The following MPDZ variants were observed in gnomAD, a reference collection of about 807,000 sequenced individuals.
MPDZ encodes the protein multiple PDZ domain protein.
MPDZ carries 234 observed loss-of-function variants against 239.1 expected under a neutral mutation model. The ratio of observed to expected loss-of-function variants is 0.98; its 90% CI spans 0.88 to 1.09. MPDZ has a LOEUF of 1.09. Among genes scored for constraint, MPDZ ranks in the 50% least tolerant of loss-of-function variants. MPDZ has a pLI of 0.00. For missense variants in MPDZ, 3,175 were observed against 2,510.0 expected, an observed-to-expected ratio of 1.26 and a Z score of -5.66; for synonymous variants, 1,048 against 881.3, an observed-to-expected ratio of 1.19 and a Z score of -3.35.
At position 13,222,118 on chromosome 9, in the gene MPDZ, T is replaced by C. The variant is rs144825995; in HGVS notation, c.747+115A>G. 501 of 701,040 alleles carry C rather than the reference T, an allele frequency of 7.1e-4. 5 individuals carry two copies. The East Asian group carries it at 0.011, about 16-fold the overall frequency. The allele number at this position is 701,040 out of a possible 1,614,324, so 43.4% of individuals were successfully genotyped here. On this transcript the variant is annotated intron_variant, in intron 6 of 46. Coordinates refer to ENST00000319217, the MANE Select transcript of MPDZ (RefSeq NM_001378778.1). ...TCCAGGCTGGGGAAAAATAAAAGAA[T>C]AGTCAGACAAAAACTCAAGAAGTGC... is the stretch of plus-strand genomic sequence containing the variant.
In MPDZ at chr9:13,219,589, G is replaced by A. The variant is rs1230832676; in HGVS notation, c.1056C>T (p.Ser352=). The stretch of plus-strand genomic sequence containing the variant: ...ACTCTGGTGTTGAAGTTGGGGATGA[G>A]GAGAGGGTGATGCCCAAAGCAGTGG... ...TAPTALGITL[S]SSPTSTPELR... The change falls in exon 8 of 47, where the codon TCC becomes TCT. Residue 352 remains serine (S), a synonymous_variant. Coordinates refer to ENST00000319217, the MANE Select transcript of MPDZ (RefSeq NM_001378778.1). 2.5e-6 allele frequency: 4 copies of A among 1,612,056 alleles called. No homozygotes were observed. In the Admixed American group the frequency reaches 6.7e-5, roughly 27 times the overall value.
At chr9:13,226,444 C>A (rs1439397250) in intron 3 of MPDZ, among the ~76,000 whole-genome samples, 2 of 152,088 alleles carry the variant, frequency 1.3e-5, no homozygotes, top group African/African-American at 4.8e-5. Flanking sequence ...CATCTCCTAG[C>A]AGTCTGTCCC....
At chr9:13,183,863 A>C (rs910893573) in intron 18 of MPDZ, among the ~76,000 whole-genome samples, 5 of 151,974 alleles carry the variant, frequency 3.3e-5, no homozygotes, top group Non-Finnish European at 7.4e-5. Context: ...TCTATGTTTA[A>C]ACAGTTCCAT....
intron 6 of MPDZ, 27 bp from the exon 7 acceptor site, chr9:13,221,527 T>A (rs755200868): frequency 6.3e-7 from 1 of 1,598,628 alleles, no homozygotes; most frequent in Non-Finnish European, 8.5e-7. Context: ...TATATGAATT[T>A]GTAGAAATTT....
Position 13,196,174 on chromosome 9 carries a change from C to G in MPDZ, c.1603G>C (p.Ala535Pro), listed in dbSNP as rs1314014564. The change falls in exon 13 of 47, where the codon GCT (alanine) becomes CCT (proline). Residue 535 changes from alanine (A) to proline (P), a missense_variant. By Grantham distance (27) the Ala-to-Pro change is conservative (BLOSUM62 -1). Transcript: ENST00000319217. Reference sequence around the variant, plus strand: ...CTTTGCCATTTTGTCAGCAGAGCAGCTTCTTGTTTTTGTGCATCTTCTATT... The same window carrying G: ...CTTTGCCATTTTGTCAGCAGAGCAGGTTCTTGTTTTTGTGCATCTTCTATT... ...EEIEDAQKQEAALLTKWQRIM... is the reference protein window; with the variant it reads ...EEIEDAQKQEPALLTKWQRIM... 2 of 1,604,026 alleles carry G rather than the reference C, an allele frequency of 1.2e-6. No homozygotes were observed. The highest frequency in any genetic ancestry group is 2.2e-5 in the South Asian group (2 of 89,288).
At position 13,137,981 on chromosome 9, in the gene MPDZ, C is replaced by A; in HGVS notation, c.4176G>T (p.Leu1392Phe). 6.2e-7 allele frequency: 1 copy of A among 1,613,770 alleles called. No individual in the cohort carries two copies. Among genetic ancestry groups the A allele is most frequent in the Middle Eastern group, 1.6e-4 (1 of 6,062 alleles). The change falls in exon 29 of 47, where the codon TTG (leucine) becomes TTT (phenylalanine). Residue 1392 changes from leucine (L) to phenylalanine (F), a missense_variant. By Grantham distance (22) the Leu-to-Phe change is conservative. Coordinates refer to ENST00000319217, the MANE Select transcript of MPDZ (RefSeq NM_001378778.1). Reference sequence around the variant, plus strand: ...CCTCTAGAAGCTCATCTGCAATTTGCAATCGACCATCTTTTCCTGCAGCTC... The same window carrying A: ...CCTCTAGAAGCTCATCTGCAATTTGAAATCGACCATCTTTTCCTGCAGCTC... ...PNGAAGKDGR[L>F]QIADELLEIN...
In MPDZ at chr9:13,125,323, G is replaced by T; in HGVS notation, c.4700C>A (p.Ser1567Tyr). The change falls in exon 35 of 47, where the codon TCC becomes TAC. Residue 1567 changes from serine to tyrosine, a missense_variant. Physicochemically the swap from Ser to Tyr is moderately radical, Grantham distance 144. Coordinates refer to ENST00000319217, the MANE Select transcript of MPDZ (RefSeq NM_001378778.1). ...ACCAGCTGCTGAAGGAACAGCCTGGGAATCTGGATTCTCAGCATGGATGGT... is the reference window on the plus strand; with the variant it reads ...ACCAGCTGCTGAAGGAACAGCCTGGTAATCTGGATTCTCAGCATGGATGGT... ...KLTIHAENPDSQAVPSAAGAA... is the reference protein window; with the variant it reads ...KLTIHAENPDYQAVPSAAGAA... 1 of 1,613,868 alleles carries T rather than the reference G, an allele frequency of 6.2e-7. No homozygotes were observed. Among genetic ancestry groups the T allele is most frequent in the Non-Finnish European group, 8.5e-7 (1 of 1,179,760 alleles).
intron 23 of MPDZ, among the ~76,000 whole-genome samples, chr9:13,161,982 G>A (rs973114024): frequency 2.6e-5 from 4 of 152,054 alleles, no homozygotes; most frequent in African/African-American, 9.7e-5. Context: ...AATGTTTCTG[G>A]TCTAGGCATG....
intron 21 of MPDZ, among the ~76,000 whole-genome samples, chr9:13,172,387 G>GTTTTTTTTT (rs34008117): frequency 6.9e-6 from 1 of 145,576 alleles, no homozygotes. Context: ...TTTGTTTTTT[G>GTTTTTTTTT]TTTTTTTTTT....
At chr9:13,271,092 C>T (rs1391652712) in intron 1 of MPDZ, among the ~76,000 whole-genome samples, 2 of 152,162 alleles carry the variant, frequency 1.3e-5, no homozygotes, top group South Asian at 2.1e-4. Context: ...AATCTCCTGA[C>T]TTTTTACTTA....
rs2134171829 is a variant in MPDZ, at chr9:13,175,817, A to G, written c.2990T>C (p.Leu997Pro). Residue 997 changes from leucine (L) to proline (P), a missense_variant, in exon 21 of 47, where the codon CTT becomes CCT. Leu to Pro is a moderately conservative substitution (Grantham distance 98). Coordinates refer to ENST00000319217, the MANE Select transcript of MPDZ (RefSeq NM_001378778.1). Reference sequence around the variant, plus strand: ...AAAAGATTCTTTAGATACATTTTGAAGCATGACACACTCAGCATTACAGGC... The same window carrying G: ...AAAAGATTCTTTAGATACATTTTGAGGCATGACACACTCAGCATTACAGGC... The part of the protein sequence containing the change: ...SLACNAECVM[L>P]QNVSKESFER... 6.3e-7 allele frequency: 1 copy of G among 1,588,172 alleles called. No homozygotes were observed. Among genetic ancestry groups the G allele is most frequent in the Non-Finnish European group, 8.6e-7 (1 of 1,166,390 alleles).
chr9:13,254,985 C>T (rs961164098), intron 1 of MPDZ, among the ~76,000 whole-genome samples: 1 of 152,180 alleles, frequency 6.6e-6, no homozygotes, highest in African/African-American at 2.4e-5. Context: ...TGAAAGATTT[C>T]TCTGAAGCAT....
chr9:13,146,773 G>A (rs1948492412), intron 26 of MPDZ, among the ~76,000 whole-genome samples: 2 of 151,880 alleles, frequency 1.3e-5, no homozygotes, highest in African/African-American at 4.8e-5. Flanking sequence ...GAGGCATAAA[G>A]AAGGAGTTGA....
chr9:13,196,062 G>T (rs1019838241), intron 13 of MPDZ, 59 bp downstream of exon 13: 6 of 1,155,650 alleles, frequency 5.2e-6, no homozygotes, highest in Middle Eastern at 2.4e-4. Flanking sequence ...TTATTCCCTC[G>T]AACTGCCTGC....
At chr9:13,192,930 T>C (rs1032100161) in intron 14 of MPDZ, among the ~76,000 whole-genome samples, 1 of 152,188 alleles carries the variant, frequency 6.6e-6, no homozygotes, top group Non-Finnish European at 1.5e-5. Flanking sequence ...TTTCAAAGAC[T>C]GTTTTTATAG....
At chr9:13,150,463 TA>T in intron 25 of MPDZ, 47 bp downstream of exon 25, 1 of 1,369,188 alleles carries the variant, frequency 7.3e-7, no homozygotes, top group Non-Finnish European at 9.6e-7. Flanking sequence ...AATAAATAAA[TA>T]AAACAAAACA....
In MPDZ at chr9:13,265,674, C is replaced by T. The variant is rs549700811; in HGVS notation, c.-58+13726G>A. On this transcript the variant is annotated intron_variant, in intron 1 of 46. Transcript: ENST00000319217. ...TCTGTTAGAACCTACCAACTGCTGTCGGAGGTGATAGTACAAAACATGTCT... is the reference window on the plus strand; with the variant it reads ...TCTGTTAGAACCTACCAACTGCTGTTGGAGGTGATAGTACAAAACATGTCT... Among the ~76,000 whole-genome samples, 20 of 152,288 alleles carry T rather than the reference C, an allele frequency of 1.3e-4. No individual in the cohort carries two copies. The South Asian group carries it at 2.5e-3, about 19-fold the overall frequency.
chr9:13,216,132 G>A (rs1958304880), intron 10 of MPDZ, among the ~76,000 whole-genome samples: 1 of 151,278 alleles, frequency 6.6e-6, no homozygotes, highest in South Asian at 2.1e-4. Context: ...TTGTTGCAGG[G>A]TCTCTTGAAT....
chr9:13,150,231 A>G lies in MPDZ; in HGVS notation c.3630+280T>C, dbSNP rs1587273305. On this transcript the variant is annotated intron_variant, in intron 25 of 46. Coordinates refer to ENST00000319217, the MANE Select transcript of MPDZ (RefSeq NM_001378778.1). ...GCTTTATCTCCAAACATCAGTCTCT[A>G]TATCAAAACATATAATCTGTCATTA... is the stretch of plus-strand genomic sequence containing the variant. 2.6e-5 allele frequency among the ~76,000 whole-genome samples: 4 copies of G among 151,956 alleles called. No individual in the cohort carries two copies. The South Asian group carries it at 8.3e-4, about 31-fold the overall frequency.
Sources: allele counts gnomAD v4.1 joint callset (sites outside exome capture counted in the v4.1 genomes callset), GRCh38; gene constraint gnomAD v4.1.1; transcripts MANE v1.5; gene names NCBI Gene and HGNC (gene_info 2026-07-23, HGNC 2026-07-21).